Variants in DAOA observed in about 807,000 individuals in gnomAD.
The protein encoded by DAOA is D-amino acid oxidase activator, also known as D-amino acid oxidase regulator.
Under a neutral mutation model 16.4 loss-of-function variants are expected in DAOA, and 15 were observed. The observed-to-expected ratio is 0.91, with a 90% CI of 0.61 to 1.41. The LOEUF is 1.41. Among genes scored for constraint, DAOA ranks in the 40% most tolerant of loss-of-function variants. The pLI is 0.00. For synonymous variants in DAOA, 75 were observed against 59.1 expected (o/e 1.27, Z -1.23); for missense variants, 230 against 176.8 (o/e 1.30, Z -1.71).
chr13:105,465,914 C>T (rs1472731030), upstream of DAOA: 1 of 172,594 alleles, frequency 5.8e-6, no homozygotes, highest in Non-Finnish European at 1.2e-5. Context: ...ATAAAAATGA[C>T]TCACAATAAT....
intron 4 of DAOA, among the ~76,000 whole-genome samples, chr13:105,480,106 T>A (rs1877609480): frequency 6.6e-6 from 1 of 152,218 alleles, no homozygotes. Context: ...ATAGTATTTA[T>A]CATTTTAGTA....
At chr13:105,486,176 G>A (rs1878092831) in intron 4 of DAOA, among the ~76,000 whole-genome samples, 2 of 152,050 alleles carry the variant, frequency 1.3e-5, no homozygotes, top group South Asian at 4.1e-4. Context: ...TGCTGTCCAG[G>A]ATCTAAAACA....
intron 4 of DAOA, among the ~76,000 whole-genome samples, chr13:105,485,618 T>A (rs1039002107): frequency 1.3e-5 from 2 of 152,140 alleles, no homozygotes; most frequent in South Asian, 2.1e-4. Context: ...TATTTAGAAA[T>A]AGGATATTTG....
intron 2 of DAOA, 163 bp downstream of exon 2, chr13:105,466,495 T>C: frequency 8.5e-7 from 1 of 1,180,690 alleles, no homozygotes; most frequent in South Asian, 1.7e-5. Context: ...CTTTCTCCCA[T>C]ATTCTGTCAG....
intron 3 of DAOA, among the ~76,000 whole-genome samples, chr13:105,468,884 G>A (rs116905090): frequency 1.3e-5 from 2 of 152,330 alleles, no homozygotes; most frequent in Non-Finnish European, 2.9e-5. Context: ...GACATGAAAA[G>A]AAGCGAGATC....
At chr13:105,465,939 T>A (rs914105665), upstream of DAOA, 2 of 202,802 alleles carry the variant, frequency 9.9e-6, no homozygotes, top group Non-Finnish European at 2.0e-5. Flanking sequence ...TATTTTACCA[T>A]TTACAAAGAG....
At chr13:105,467,847 T>TATA (rs1876642957) in intron 3 of DAOA, 1 of 152,000 alleles carries the variant, frequency 6.6e-6, no homozygotes, top group Non-Finnish European at 1.5e-5. Flanking sequence ...TAGTTTTCTA[T>TATA]CACTGCTATA....
intron 3 of DAOA, among the ~76,000 whole-genome samples, chr13:105,469,538 A>G (rs1320816660): frequency 6.6e-6 from 1 of 152,194 alleles, no homozygotes; most frequent in Non-Finnish European, 1.5e-5. Flanking sequence ...TTTATGAAGT[A>G]ATGAGCTTAT....
chr13:105,469,135 G>C (rs568561438), intron 3 of DAOA, among the ~76,000 whole-genome samples: 1 of 152,250 alleles, frequency 6.6e-6, no homozygotes, highest in African/African-American at 2.4e-5. Context: ...CATCTCATTA[G>C]ATAGTTAAGT....
At chr13:105,474,045 C>T (rs971039265) in intron 4 of DAOA, among the ~76,000 whole-genome samples, 1 of 152,114 alleles carries the variant, frequency 6.6e-6, no homozygotes, top group Non-Finnish European at 1.5e-5. Context: ...AACAGGTGTT[C>T]TAATTTAAAC....
rs199929051 is a variant in DAOA, at chr13:105,467,028, G to A, written c.45-25G>A. 8.2e-5 allele frequency: 131 copies of A among 1,605,350 alleles called. No individual in the cohort carries two copies. In the African/African-American group the frequency reaches 1.6e-3, roughly 20 times the overall value. ...GCAGGGTATAAAGGAATCTGAACAC[G>A]ACTGATATTTTCTTTAATTTTTAGA... On this transcript the variant is annotated intron_variant, in intron 2 of 5. Transcript: ENST00000375936.
Position 105,472,682 on chromosome 13 carries a change from C to T in DAOA, c.278C>T (p.Ala93Val). The change falls in exon 4 of 6, where the codon GCA becomes GTA. Residue 93 changes from alanine to valine, a missense_variant. By Grantham distance (64) the Ala-to-Val change is moderately conservative. Transcript: ENST00000375936. ...GTCTCTTACCTTCCTCAGCCCTATG[C>T]AGAGTATGTATCTTCTTCATTTTAA... Reference protein sequence around the residue: ...PWVSYLPQPYAELEEVSSHVG... With the variant: ...PWVSYLPQPYVELEEVSSHVG... The T allele has an allele frequency of 6.2e-7, 1 of 1,612,024 alleles. No homozygotes were observed. Among genetic ancestry groups the T allele is most frequent in the Non-Finnish European group, 8.5e-7 (1 of 1,179,112 alleles).
At chr13:105,472,457 C>A in intron 3 of DAOA, 81 bp from the exon 4 acceptor site, 1 of 1,457,086 alleles carries the variant, frequency 6.9e-7, no homozygotes, top group Non-Finnish European at 9.1e-7. Context: ...ACAATCGCTC[C>A]ACAGTCATTA....
At chr13:105,483,356 G>T (rs114394120) in intron 4 of DAOA, among the ~76,000 whole-genome samples, 2,190 of 152,168 alleles carry the variant, frequency 0.014, 52 homozygotes, top group African/African-American at 0.05. Flanking sequence ...ACTTCCATGG[G>T]TAAATACCTA....
In DAOA at chr13:105,466,065, G is replaced by A; in HGVS notation, c.-74+5G>A. On this transcript the variant is annotated splice_donor_5th_base_variant and intron_variant, in intron 1 of 5. Transcript: ENST00000375936. ...AGTGAAGCAAGTAATGTGTGTGTGA[G>A]TAGTCATTGGATACATACATAACAG... 2.0e-6 allele frequency: 1 copy of A among 510,730 alleles called. No homozygotes were observed. The highest frequency in any genetic ancestry group is 3.3e-6 in the Non-Finnish European group (1 of 304,874). 31.6% of individuals were successfully genotyped at this position (510,730 alleles called of 1,614,324 possible).
chr13:105,467,341 T>G (rs186273712), intron 3 of DAOA, among the ~76,000 whole-genome samples, 200 bp downstream of exon 3: 127 of 152,310 alleles, frequency 8.3e-4, no homozygotes, highest in Non-Finnish European at 1.4e-3. Context: ...CACTTACAGT[T>G]CAAACAGTGC....
intron 4 of DAOA, among the ~76,000 whole-genome samples, chr13:105,487,983 A>G (rs569800643): frequency 6.8e-4 from 103 of 152,304 alleles, no homozygotes; most frequent in African/African-American, 2.5e-3. Flanking sequence ...ATGCTACTTC[A>G]ATGTGACAGC....
At chr13:105,478,727 TA>T (rs1454824779) in intron 4 of DAOA, among the ~76,000 whole-genome samples, 4 of 152,326 alleles carry the variant, frequency 2.6e-5, no homozygotes, top group African/African-American at 9.6e-5. Flanking sequence ...AATTTTATTT[TA>T]ATGGCGGAGA....
Position 105,467,045 on chromosome 13 carries a change from AT to A in DAOA, c.45-3del. ...CTGAACACGACTGATATTTTCTTTAATTTTTAGATCCAGATATACATTGGGT... is the reference window on the plus strand; with the variant it reads ...CTGAACACGACTGATATTTTCTTTAATTTTAGATCCAGATATACATTGGGT... On this transcript the variant is annotated splice_region_variant and splice_polypyrimidine_tract_variant and intron_variant, in intron 2 of 5. Transcript: ENST00000375936. The A allele has an allele frequency of 6.2e-7, 1 of 1,607,500 alleles. No individual in the cohort carries two copies. Among genetic ancestry groups the A allele is most frequent in the South Asian group, 1.1e-5 (1 of 89,578 alleles).
Sources: allele counts gnomAD v4.1 joint callset (sites outside exome capture counted in the v4.1 genomes callset), GRCh38; gene constraint gnomAD v4.1.1; transcripts MANE v1.5; gene names NCBI Gene and HGNC (gene_info 2026-07-23, HGNC 2026-07-21).